The following ATRNL1 variants were observed in gnomAD, a reference collection of about 807,000 sequenced individuals.
ATRNL1 encodes attractin like 1.
ATRNL1 carries 95 observed loss-of-function variants against 182.7 expected under a neutral mutation model. The observed-to-expected ratio is 0.52, with a 90% confidence interval of 0.44 to 0.62. ATRNL1 has a LOEUF of 0.62. ATRNL1 is among the 20% of genes least tolerant of loss of function. The pLI is 0.00. For missense variants in ATRNL1, 1,471 were observed against 1,679.5 expected (o/e 0.88, Z 2.17); for synonymous variants, 576 against 568.3 (o/e 1.01, Z -0.19).
At chr10:115,436,158 A>G (rs1422237486) in intron 21 of ATRNL1, among the ~76,000 whole-genome samples, 1 of 152,156 alleles carries the variant, frequency 6.6e-6, no homozygotes, top group Non-Finnish European at 1.5e-5. Context: ...TAAAGAAAAA[A>G]TGAATTTCAA....
At chr10:115,509,291 C>T (rs77016624) in intron 24 of ATRNL1, among the ~76,000 whole-genome samples, 5,020 of 152,102 alleles carry the variant, frequency 0.033, 224 homozygotes, top group East Asian at 0.14. Flanking sequence ...GAGATTAATG[C>T]TGTTTCATGC....
intron 28 of ATRNL1, among the ~76,000 whole-genome samples, chr10:115,927,343 G>A (rs1953267157): frequency 6.6e-6 from 1 of 151,950 alleles, no homozygotes; most frequent in Non-Finnish European, 1.5e-5. Flanking sequence ...TTTGAAAACT[G>A]GTAGAATTCT....
chr10:115,288,836 T>C (rs1444637442), intron 15 of ATRNL1, among the ~76,000 whole-genome samples: 1 of 152,186 alleles, frequency 6.6e-6, no homozygotes, highest in Admixed American at 6.5e-5. Flanking sequence ...TGTCTTCTTT[T>C]GGGAGATGTC....
At chr10:115,814,649 G>A (rs1327689771) in intron 27 of ATRNL1, among the ~76,000 whole-genome samples, 2 of 152,134 alleles carry the variant, frequency 1.3e-5, no homozygotes, top group Admixed American at 1.3e-4. Flanking sequence ...CCTGTCTCAG[G>A]AAGGGCTTTA....
At chr10:115,230,899 GAGAGAGAGAGAGAGAGAGAGAGAA>G (rs1308398632) in intron 9 of ATRNL1, among the ~76,000 whole-genome samples, 1 of 149,766 alleles carries the variant, frequency 6.7e-6, no homozygotes, top group African/African-American at 2.5e-5. Context: ...GAGAGAGAGA[GAGAGAGAGAGAGAGAGAGAGAGAA>G]AGAGAGAAAT....
chr10:115,599,380 C>T (rs1555015256), intron 26 of ATRNL1, among the ~76,000 whole-genome samples: 1 of 152,152 alleles, frequency 6.6e-6, no homozygotes, highest in Non-Finnish European at 1.5e-5. Flanking sequence ...GCATGCAACT[C>T]AGTCTCATAA....
intron 24 of ATRNL1, among the ~76,000 whole-genome samples, chr10:115,470,474 A>T (rs916091600): frequency 1.3e-5 from 2 of 150,730 alleles, no homozygotes; most frequent in Middle Eastern, 3.6e-3. Context: ...ATAGAGAAAT[A>T]TTTATCAAAT....
At chr10:115,096,105 G>A (rs2085004657) in intron 1 of ATRNL1, among the ~76,000 whole-genome samples, 1 of 152,120 alleles carries the variant, frequency 6.6e-6, no homozygotes, top group African/African-American at 2.4e-5. Context: ...GTGAGTAGAA[G>A]AAGAATAGAT....
chr10:115,618,399 A>G (rs2133796998), intron 26 of ATRNL1, among the ~76,000 whole-genome samples: 1 of 152,248 alleles, frequency 6.6e-6, no homozygotes, highest in East Asian at 1.9e-4. Flanking sequence ...ATTGTATTAA[A>G]TAAGAATTTT....
intron 8 of ATRNL1, among the ~76,000 whole-genome samples, chr10:115,179,186 A>T (rs1847650814): frequency 6.6e-6 from 1 of 152,152 alleles, no homozygotes; most frequent in Non-Finnish European, 1.5e-5. Flanking sequence ...GACTCATAAC[A>T]TGCTGTGCTT....
chr10:115,555,208 G>A (rs1565161038), intron 26 of ATRNL1, among the ~76,000 whole-genome samples: 1 of 151,722 alleles, frequency 6.6e-6, no homozygotes. Context: ...AAGTAGAAAG[G>A]AATAATTTTC....
At chr10:115,431,715 T>C (rs1169253520) in intron 21 of ATRNL1, among the ~76,000 whole-genome samples, 1 of 152,184 alleles carries the variant, frequency 6.6e-6, no homozygotes, top group Non-Finnish European at 1.5e-5. Context: ...GCAATTATTA[T>C]TCCTACTGAT....
chr10:115,941,990 A>AT (rs1332759794), intron 28 of ATRNL1, among the ~76,000 whole-genome samples: 1 of 152,224 alleles, frequency 6.6e-6, no homozygotes, highest in Non-Finnish European at 1.5e-5. Flanking sequence ...ATGATATTTA[A>AT]TATCCTGAAA....
chr10:115,453,108 G>T (rs1410292714), intron 21 of ATRNL1, among the ~76,000 whole-genome samples: 1 of 152,040 alleles, frequency 6.6e-6, no homozygotes, highest in Non-Finnish European at 1.5e-5. Flanking sequence ...AAACACTAAG[G>T]TTGCTTCCAT....
At chr10:115,338,988 C>G (rs1177011525) in intron 19 of ATRNL1, among the ~76,000 whole-genome samples, 1 of 152,172 alleles carries the variant, frequency 6.6e-6, no homozygotes, top group Non-Finnish European at 1.5e-5. Flanking sequence ...TGTCTTTTCC[C>G]CAGTATATGT....
Position 115,383,237 on chromosome 10 carries a change from A to G in ATRNL1, c.3176-11422A>G, listed in dbSNP as rs1305705632. Among the ~76,000 whole-genome samples, 3 of 151,546 alleles carry G rather than the reference A, an allele frequency of 2.0e-5. No individual in the cohort carries two copies. In the East Asian group the frequency reaches 5.8e-4, roughly 29 times the overall value. On this transcript the variant is annotated intron_variant, in intron 19 of 28. Coordinates refer to ENST00000355044, the MANE Select transcript of ATRNL1 (RefSeq NM_207303.4). ...ATAAAGCCCACTGGATCATGGTGGG[A>G]ATCTGTTAATGTTTGCCTAAATTTG...
chr10:115,351,769 G>GT (rs1349710767), intron 19 of ATRNL1, among the ~76,000 whole-genome samples: 71 of 151,862 alleles, frequency 4.7e-4, no homozygotes, highest in African/African-American at 1.6e-3. Flanking sequence ...GTTTTGTTTT[G>GT]TTTGTGTTTT....
intron 26 of ATRNL1, among the ~76,000 whole-genome samples, chr10:115,622,519 C>T (rs908598984): frequency 4.6e-5 from 7 of 152,260 alleles, no homozygotes; most frequent in Non-Finnish European, 8.8e-5. Context: ...CCATCTTTAT[C>T]TATGTTTTGT....
intron 10 of ATRNL1, among the ~76,000 whole-genome samples, chr10:115,245,967 T>C (rs1401454813): frequency 1.3e-5 from 2 of 152,192 alleles, no homozygotes; most frequent in African/African-American, 4.8e-5. Context: ...TTGTATCCTT[T>C]GCTCAAGGTG....
Sources: allele counts gnomAD v4.1 joint callset (sites outside exome capture counted in the v4.1 genomes callset), GRCh38; gene constraint gnomAD v4.1.1; transcripts MANE v1.5; gene names NCBI Gene and HGNC (gene_info 2026-07-23, HGNC 2026-07-21).